Variants in TRIM68 observed in about 807,000 individuals in gnomAD.
TRIM68 encodes the protein E3 ubiquitin-protein ligase TRIM68.
A neutral mutation model predicts 41.9 loss-of-function variants in TRIM68; 36 were observed. The observed-to-expected ratio is 0.86, with a 90% CI of 0.66 to 1.14. The LOEUF is 1.14. TRIM68 is among the 50% of genes most tolerant of loss of function. The pLI is 0.00. For missense variants in TRIM68, 632 were observed against 605.1 expected (o/e 1.04, Z -0.47); for synonymous variants, 225 against 224.6 (o/e 1.00, Z -0.02).
chr11:4,601,580 T>C (rs530831143), intron 5 of TRIM68, 84 bp downstream of exon 5: 2 of 1,465,696 alleles, frequency 1.4e-6, no homozygotes, highest in Non-Finnish European at 1.9e-6. Context: ...GCACCGAGTC[T>C]GTGCTCCGTC....
rs367706803 is a variant in TRIM68 at position 4,602,242 on chromosome 11, A to G, written c.693T>C (p.His231=). The change falls in exon 4 of 7, where the codon CAT becomes CAC. Residue 231 remains histidine, a synonymous_variant. Transcript: ENST00000300747. The part of the protein sequence containing the change: ...AETMQKLELN[H]SELIQQSQVL... ...CCTGGCTCTGCTGGATGAGCTCGCT[A>G]TGGTTCAACTCCAGTTTCTGCATGG... 5.9e-5 allele frequency: 95 copies of G among 1,613,978 alleles called. No individual in the cohort carries two copies. The highest frequency in any genetic ancestry group is 7.9e-5 in the Non-Finnish European group (93 of 1,180,008).
At chr11:4,604,263 A>G (rs548995008) in intron 2 of TRIM68, among the ~76,000 whole-genome samples, 3 of 152,362 alleles carry the variant, frequency 2.0e-5, no homozygotes, top group East Asian at 3.9e-4. Flanking sequence ...TTCAACTCCA[A>G]AAAAGAGAGT....
rs774891404 is a variant in TRIM68 at position 4,605,127 on chromosome 11, A to G, written c.378T>C (p.His126=). The G allele has an allele frequency of 5.0e-6, 8 of 1,614,064 alleles. 1 individual carries two copies. The highest frequency in any genetic ancestry group is 8.5e-7 in the Non-Finnish European group (1 of 1,180,026). The part of the protein sequence containing the change: ...MCEACSQSPE[H]EAHSVVPMED... ...CCATTGGCACAACACTGTGGGCCTC[A>G]TGCTCTGGGGACTGGCTGCAGGCCT... is the stretch of plus-strand genomic sequence containing the variant. The change falls in exon 2 of 7, where the codon CAT becomes CAC. Residue 126 remains histidine, a synonymous_variant. Coordinates refer to ENST00000300747, the MANE Select transcript of TRIM68 (RefSeq NM_018073.8).
At chr11:4,607,805 G>A (rs931007296) in intron 1 of TRIM68, among the ~76,000 whole-genome samples, 2 of 152,162 alleles carry the variant, frequency 1.3e-5, no homozygotes, top group Non-Finnish European at 2.9e-5. Flanking sequence ...AGGGTACAGC[G>A]AGAGTCTGAG....
At chr11:4,601,620 A>G in intron 5 of TRIM68, 44 bp downstream of exon 5, 3 of 1,611,770 alleles carry the variant, frequency 1.9e-6, no homozygotes, top group Non-Finnish European at 2.5e-6. Context: ...AGGCCTCACT[A>G]TCCCCTACAG....
Position 4,601,658 on chromosome 11 carries a change from A to C in TRIM68, c.806+6T>G, listed in dbSNP as rs747541039. The C allele has an allele frequency of 1.9e-6, 3 of 1,614,130 alleles. No homozygotes were observed. The highest frequency in any genetic ancestry group is 2.5e-6 in the Non-Finnish European group (3 of 1,179,998). ...CTGCTTAGAGGCTCCAAGGGTGAGA[A>C]CATACCTGTTTAACACTTCCTGAAT... On this transcript the variant is annotated splice_donor_region_variant and intron_variant, in intron 5 of 6. Transcript: ENST00000300747.
At chr11:4,603,135 G>T (rs1432819607) in intron 3 of TRIM68, 110 bp downstream of exon 3, 4 of 1,054,602 alleles carry the variant, frequency 3.8e-6, no homozygotes, top group South Asian at 2.7e-5. Flanking sequence ...TAGGCTCTGT[G>T]ATTTCAAGCC....
In TRIM68 at chr11:4,603,267, C is replaced by T; in HGVS notation, c.500G>A (p.Arg167Lys). 2 of 1,614,220 alleles carry T rather than the reference C, an allele frequency of 1.2e-6. No individual in the cohort carries two copies. Among genetic ancestry groups the T allele is most frequent in the Non-Finnish European group, 1.7e-6 (2 of 1,180,038 alleles). ...EEAWKLEVGE[R>K]KRTATWKIQV... ...TGCCTTCCAGGTGGCAGTTCGTTTC[C>T]TTTCACCAACTTCAAGCTTCCAGGC... Residue 167 changes from arginine (R) to lysine (K), a missense_variant, in exon 3 of 7, where the codon AGG becomes AAG. Coordinates refer to ENST00000300747, the MANE Select transcript of TRIM68 (RefSeq NM_018073.8).
intron 1 of TRIM68, among the ~76,000 whole-genome samples, chr11:4,605,832 CTGGG>C (rs1846561478): frequency 1.3e-5 from 2 of 152,156 alleles, no homozygotes; most frequent in African/African-American, 4.8e-5. Context: ...TGATTTTCCT[CTGGG>C]TTTGCTCTAC....
At chr11:4,604,484 C>T (rs1183679545) in intron 2 of TRIM68, among the ~76,000 whole-genome samples, 1 of 152,224 alleles carries the variant, frequency 6.6e-6, no homozygotes, top group Non-Finnish European at 1.5e-5. Context: ...AGACTTGAGT[C>T]ACAGCCTCTG....
intron 4 of TRIM68, chr11:4,601,910 G>T: frequency 1.3e-6 from 1 of 765,698 alleles, no homozygotes; most frequent in Non-Finnish European, 2.1e-6. Context: ...CGGGCTAGAG[G>T]AGAGGGCCTG....
rs935170451 is a variant in TRIM68, at chr11:4,599,679, A to C, written c.*597T>G. On this transcript the variant is annotated 3_prime_UTR_variant, in exon 7 of 7. Transcript: ENST00000300747. ...TTGCCCAGCTTGTGCTCAGAGAGGG[A>C]ACGGCAGTGGGGTGGCTTGGGCAGG... 6.6e-6 allele frequency: 1 copy of C among 152,264 alleles called. No individual in the cohort carries two copies. Among genetic ancestry groups the C allele is most frequent in the Non-Finnish European group, 1.5e-5 (1 of 68,180 alleles). The allele number at this position is 152,264 out of a possible 1,614,324, so 9.4% of individuals were successfully genotyped here. A position where few individuals can be genotyped will look rare whatever the true frequency, so the allele number is the denominator to read the frequency against.
chr11:4,603,148 A>G lies in TRIM68; in HGVS notation c.522+97T>C, dbSNP rs1159031059. ...CCTAGGCTCTGTGATTTCAAGCCTC[A>G]CATTCTGCCTCACAGTGATGAGAAT... On this transcript the variant is annotated intron_variant, in intron 3 of 6. Transcript: ENST00000300747. 3 of 1,165,038 alleles carry G rather than the reference A, an allele frequency of 2.6e-6. No individual in the cohort carries two copies. In the African/African-American group the frequency reaches 4.5e-5, roughly 18 times the overall value. 72.2% of individuals were successfully genotyped at this position (1,165,038 alleles called of 1,614,324 possible). A position where few individuals can be genotyped will look rare whatever the true frequency, so the allele number is the denominator to read the frequency against.
rs1846457557 is a variant in TRIM68, at chr11:4,600,102, A to C, written c.*174T>G. On this transcript the variant is annotated 3_prime_UTR_variant, in exon 7 of 7. Transcript: ENST00000300747. The stretch of plus-strand genomic sequence containing the variant: ...GACTGGGCCTCTGCTTTTTAAAATA[A>C]GTGGTTTCATGACAGACTTCAGCCT... 1.3e-5 allele frequency: 8 copies of C among 614,520 alleles called. No individual in the cohort carries two copies. The highest frequency in any genetic ancestry group is 1.9e-5 in the Non-Finnish European group (7 of 371,064). 38.1% of individuals were successfully genotyped at this position (614,520 alleles called of 1,614,324 possible).
chr11:4,602,986 C>A (rs115625016), intron 3 of TRIM68, among the ~76,000 whole-genome samples: 1 of 152,226 alleles, frequency 6.6e-6, no homozygotes, highest in Admixed American at 6.5e-5. Context: ...AGCTGACACA[C>A]GTGAGCATGT....
intron 2 of TRIM68, 82 bp downstream of exon 2, chr11:4,604,997 G>A: frequency 6.7e-7 from 1 of 1,483,992 alleles, no homozygotes; most frequent in Non-Finnish European, 9.2e-7. Flanking sequence ...TCAGTCTGTG[G>A]TGCTGGTGGT....
Position 4,605,416 on chromosome 11 carries a change from T to A in TRIM68, c.89A>T (p.Asp30Val). 1 of 1,614,122 alleles carries A rather than the reference T, an allele frequency of 6.2e-7. No individual in the cohort carries two copies. Among genetic ancestry groups the A allele is most frequent in the Non-Finnish European group, 8.5e-7 (1 of 1,180,014 alleles). ...GCTGTGGCAGAAGCTGTGGCCACAG[T>A]CAATGCTCATGGGCTCCCTCAGGAA... ...MTFLREPMSI[D>V]CGHSFCHSCL... Residue 30 changes from aspartate (D) to valine (V), a missense_variant, in exon 2 of 7, where the codon GAC (aspartate) becomes GTC (valine). Asp to Val is a radical substitution (Grantham distance 152). Transcript: ENST00000300747.
chr11:4,604,762 A>C (rs1846543305), intron 2 of TRIM68, among the ~76,000 whole-genome samples: 1 of 152,106 alleles, frequency 6.6e-6, no homozygotes, highest in South Asian at 2.1e-4. Context: ...TCATGCCTAA[A>C]CTCATCCAAG....
rs139418325 is a variant in TRIM68 at position 4,602,314 on chromosome 11, T to C, written c.621A>G (p.Ala207=). The stretch of plus-strand genomic sequence containing the variant: ...GGCTGGCCAGAGCTGCTGCTACCTC[T>C]GCCCCCAGCTGCCGATGTGGTGGCT... ...KKQPPHRQLG[A]EVAAALASLQ... The change falls in exon 4 of 7, where the codon GCA becomes GCG. Residue 207 remains alanine, a synonymous_variant. Transcript: ENST00000300747. 2.2e-5 allele frequency: 36 copies of C among 1,614,084 alleles called. No individual in the cohort carries two copies. The African/African-American group carries it at 4.1e-4, about 19-fold the overall frequency.
Sources: gnomAD v4.1 joint callset for allele counts (sites outside exome capture counted in the v4.1 genomes callset) on GRCh38, gnomAD v4.1.1 for gene constraint, MANE v1.5 for transcripts, NCBI Gene and HGNC (gene_info 2026-07-23, HGNC 2026-07-21) for gene names.